Variants in SOBP observed in about 807,000 individuals in gnomAD.
The protein encoded by SOBP is sine oculis-binding protein homolog.
A neutral mutation model predicts 53.6 loss-of-function variants in SOBP; 4 were observed. That is an observed-to-expected ratio of 0.07 (90% CI 0.04 to 0.17). SOBP has a LOEUF of 0.17. Among genes scored for constraint, SOBP ranks in the 10% least tolerant of loss-of-function variants. SOBP has a pLI of 1.00. For synonymous variants in SOBP, 584 were observed against 522.6 expected, an observed-to-expected ratio of 1.12 and a Z score of -1.60; for missense variants, 1,088 against 1,204.7, an observed-to-expected ratio of 0.90 and a Z score of 1.43.
intron 4 of SOBP, among the ~76,000 whole-genome samples, chr6:107,579,439 A>G (rs946494793): frequency 1.3e-5 from 2 of 151,788 alleles, no homozygotes; most frequent in African/African-American, 4.8e-5. Context: ...TAAAAATAAA[A>G]AGTAAAAACA....
At chr6:107,516,145 T>C (rs113605164) in intron 3 of SOBP, among the ~76,000 whole-genome samples, 1 of 152,116 alleles carries the variant, frequency 6.6e-6, no homozygotes, top group Non-Finnish European at 1.5e-5. Context: ...AACTTTCCTC[T>C]TGATATCAAG....
At chr6:107,560,435 G>A (rs897331228) in intron 4 of SOBP, among the ~76,000 whole-genome samples, 47 of 152,058 alleles carry the variant, frequency 3.1e-4, no homozygotes, top group Non-Finnish European at 1.8e-4. Flanking sequence ...ACCCAATGAC[G>A]GATTCCTTCC....
At chr6:107,637,311 A>G (rs950025419) in intron 6 of SOBP, among the ~76,000 whole-genome samples, 1 of 152,230 alleles carries the variant, frequency 6.6e-6, no homozygotes, top group Non-Finnish European at 1.5e-5. Context: ...ATTGCTTGGG[A>G]AGCACAGACC....
rs779859391 is a variant in SOBP, at chr6:107,656,301, A to AAGACAGAAAGAAAGAAAGAC, written c.*4-1903_*4-1902insCAGAAAGAAAGAAAGACAGA. ...GAGAAAGAAAGAAAAGAAAGAAAGA[A>AAGACAGAAAGAAAGAAAGAC]AGAAAGAAAGAAAGAAAGAAAGAAA... On this transcript the variant is annotated intron_variant, in intron 6 of 6. Coordinates refer to ENST00000317357, the MANE Select transcript of SOBP (RefSeq NM_018013.4). Among the ~76,000 whole-genome samples the AAGACAGAAAGAAAGAAAGAC allele has an allele frequency of 2.8e-3, 146 of 51,462 alleles. 3 individuals are homozygous for AAGACAGAAAGAAAGAAAGAC. Among genetic ancestry groups the AAGACAGAAAGAAAGAAAGAC allele is most frequent in the Admixed American group, 9.6e-3 (55 of 5,706 alleles). The allele number at this position is 51,462 out of a possible 152,430, so 33.8% of individuals were successfully genotyped here.
At chr6:107,509,402 A>G (rs1312970862) in intron 3 of SOBP, among the ~76,000 whole-genome samples, 1 of 151,754 alleles carries the variant, frequency 6.6e-6, no homozygotes, top group African/African-American at 2.4e-5. Context: ...TCTCAAAAAA[A>G]AAAAAAAACA....
At chr6:107,656,321 A>C (rs149510700) in intron 6 of SOBP, among the ~76,000 whole-genome samples, 8,892 of 30,414 alleles carry the variant, frequency 0.29, 568 homozygotes, top group South Asian at 0.48. Flanking sequence ...GAAAGAAAGA[A>C]AGAAAGAAAG....
intron 6 of SOBP, among the ~76,000 whole-genome samples, chr6:107,639,131 G>T (rs577228111): frequency 9.9e-5 from 15 of 152,222 alleles, no homozygotes; most frequent in African/African-American, 3.1e-4. Context: ...TCAAACTCCT[G>T]ACCTCAAGTG....
intron 6 of SOBP, among the ~76,000 whole-genome samples, chr6:107,650,387 TA>T (rs781767667): frequency 1.3e-5 from 2 of 152,262 alleles, no homozygotes; most frequent in Non-Finnish European, 2.9e-5. Context: ...TTCGCTTTAT[TA>T]CGCTTCACGA....
intron 4 of SOBP, among the ~76,000 whole-genome samples, chr6:107,571,049 G>A (rs1233159776): frequency 6.6e-6 from 1 of 152,222 alleles, no homozygotes; most frequent in Non-Finnish European, 1.5e-5. Flanking sequence ...TGGATCTGGG[G>A]AATTCCTTGC....
At chr6:107,531,114 G>C (rs1383005790) in intron 3 of SOBP, among the ~76,000 whole-genome samples, 7 of 152,228 alleles carry the variant, frequency 4.6e-5, no homozygotes. Flanking sequence ...TCTCATCTCA[G>C]TGTTGGTCCA....
At chr6:107,611,986 C>T (rs1786616618) in intron 5 of SOBP, among the ~76,000 whole-genome samples, 1 of 152,140 alleles carries the variant, frequency 6.6e-6, no homozygotes, top group Admixed American at 6.5e-5. Context: ...AATATCTTGC[C>T]CAGATCAATA....
chr6:107,586,994 TTGAATGATC>T, intron 4 of SOBP, 77 bp from the exon 5 acceptor site: 1 of 986,294 alleles, frequency 1.0e-6, no homozygotes, highest in South Asian at 1.3e-5. Context: ...TTCCCGTTTG[TTGAATGATC>T]TGAGCTGTTA....
chr6:107,629,675 G>A (rs1770619278), intron 5 of SOBP, among the ~76,000 whole-genome samples: 1 of 152,262 alleles, frequency 6.6e-6, no homozygotes. Flanking sequence ...TGCTGAGGCA[G>A]TGTCTTTGGA....
At position 107,497,407 on chromosome 6, in the gene SOBP, A is replaced by G. The variant is rs1242583482; in HGVS notation, c.97-6250A>G. Among the ~76,000 whole-genome samples, 4 of 152,214 alleles carry G rather than the reference A, an allele frequency of 2.6e-5. No individual in the cohort carries two copies. In the East Asian group the frequency reaches 7.7e-4, roughly 29 times the overall value. ...GTGACTATAGCTGATGTAATTGTCTATGACTGAGACTATGTGTTAATTTTT... is the reference window on the plus strand; with the variant it reads ...GTGACTATAGCTGATGTAATTGTCTGTGACTGAGACTATGTGTTAATTTTT... On this transcript the variant is annotated intron_variant, in intron 1 of 6. Transcript: ENST00000317357.
At chr6:107,491,964 A>G (rs1046684866) in intron 1 of SOBP, among the ~76,000 whole-genome samples, 10 of 152,240 alleles carry the variant, frequency 6.6e-5, no homozygotes, top group African/African-American at 2.4e-4. Flanking sequence ...ATGCGTACCT[A>G]GGTGCATATG....
chr6:107,644,058 T>C (rs1447003015), intron 6 of SOBP, among the ~76,000 whole-genome samples: 1 of 152,172 alleles, frequency 6.6e-6, no homozygotes, highest in East Asian at 1.9e-4. Context: ...TCCCAGCACA[T>C]TGGGAGGCCA....
chr6:107,532,518 C>T lies in SOBP; in HGVS notation c.422-941C>T, dbSNP rs370770301. On this transcript the variant is annotated intron_variant, in intron 3 of 6. Coordinates refer to ENST00000317357, the MANE Select transcript of SOBP (RefSeq NM_018013.4). ...TGAATATATTTTACTAATTGACTCA[C>T]TTTAAAATCCTTTGTTTTAAGCAGT... is the stretch of plus-strand genomic sequence containing the variant. Among the ~76,000 whole-genome samples, 11 of 152,208 alleles carry T rather than the reference C, an allele frequency of 7.2e-5. No individual in the cohort carries two copies. The East Asian group carries it at 2.1e-3, about 29-fold the overall frequency.
At chr6:107,624,074 C>G (rs1177120797) in intron 5 of SOBP, among the ~76,000 whole-genome samples, 1 of 152,064 alleles carries the variant, frequency 6.6e-6, no homozygotes, top group African/African-American at 2.4e-5. Context: ...TTTTAAAAAG[C>G]AAAGACCTTG....
At chr6:107,633,339 G>C (rs1223073132) in intron 5 of SOBP, among the ~76,000 whole-genome samples, 175 bp from the exon 6 acceptor site, 6 of 152,200 alleles carry the variant, frequency 3.9e-5, no homozygotes, top group Non-Finnish European at 8.8e-5. Flanking sequence ...TATTTATAAA[G>C]CCAACCCATC....
Sources: gnomAD v4.1 joint callset for allele counts (sites outside exome capture counted in the v4.1 genomes callset) on GRCh38, gnomAD v4.1.1 for gene constraint, MANE v1.5 for transcripts, NCBI Gene and HGNC (gene_info 2026-07-23, HGNC 2026-07-21) for gene names.